The following B3GALT1 variants were observed in gnomAD, a reference collection of about 807,000 sequenced individuals.
The protein encoded by B3GALT1 is beta-1,3-galactosyltransferase 1.
A neutral mutation model predicts 23.2 loss-of-function variants in B3GALT1; 10 were observed. The ratio of observed to expected loss-of-function variants is 0.43; its 90% CI spans 0.27 to 0.73. B3GALT1 has a LOEUF of 0.73. B3GALT1 is among the 30% of genes least tolerant of loss of function. B3GALT1 has a pLI of 0.21. For synonymous variants in B3GALT1, 156 were observed against 141.5 expected, an observed-to-expected ratio of 1.10 and a Z score of -0.73; for missense variants, 299 against 405.4, an observed-to-expected ratio of 0.74 and a Z score of 2.25.
intron 2 of B3GALT1, among the ~76,000 whole-genome samples, chr2:167,628,864 A>G (rs1036304959): frequency 6.6e-6 from 1 of 151,718 alleles, no homozygotes; most frequent in African/African-American, 2.4e-5. Context: ...GTGATATGTC[A>G]TATGATAAAT....
At chr2:167,297,721 T>C (rs1174323948) in intron 1 of B3GALT1, among the ~76,000 whole-genome samples, 1 of 152,112 alleles carries the variant, frequency 6.6e-6, no homozygotes, top group Non-Finnish European at 1.5e-5. Flanking sequence ...CTTATCCTCA[T>C]ATGAAGAATG....
intron 1 of B3GALT1, among the ~76,000 whole-genome samples, chr2:167,434,276 A>G (rs900169728): frequency 2.0e-5 from 3 of 152,178 alleles, no homozygotes; most frequent in Admixed American, 2.0e-4. Context: ...AAAAGAATAA[A>G]TAACTAGCTT....
chr2:167,347,148 A>C (rs1697233408), intron 1 of B3GALT1, among the ~76,000 whole-genome samples: 1 of 152,200 alleles, frequency 6.6e-6, no homozygotes, highest in African/African-American at 2.4e-5. Context: ...ATGGATTCTA[A>C]TAAAAGTATT....
intron 3 of B3GALT1, among the ~76,000 whole-genome samples, chr2:167,676,223 T>TA (rs778730922): frequency 5.3e-5 from 8 of 152,094 alleles, no homozygotes; most frequent in Non-Finnish European, 1.0e-4. Context: ...GAGTAATTCT[T>TA]ACCAAGTGCA....
Position 167,361,193 on chromosome 2 carries a change from A to T in B3GALT1, c.-511+67859A>T, listed in dbSNP as rs1202623720. On this transcript the variant is annotated intron_variant, in intron 1 of 4. Coordinates refer to ENST00000392690, the MANE Select transcript of B3GALT1 (RefSeq NM_020981.4). ...ATGTGAGTTCAGATATCTCTTTGAT[A>T]CACTGATTTCCCCCACTAGTTTTTT... Among the ~76,000 whole-genome samples, 8 of 148,790 alleles carry T rather than the reference A, an allele frequency of 5.4e-5. No individual in the cohort carries two copies. In the Admixed American group the frequency reaches 5.5e-4, roughly 10 times the overall value.
intron 2 of B3GALT1, among the ~76,000 whole-genome samples, chr2:167,491,045 G>A (rs1486853343): frequency 6.6e-6 from 1 of 152,140 alleles, no homozygotes; most frequent in East Asian, 1.9e-4. Flanking sequence ...GGGTTCTGGA[G>A]AAATTTACAC....
At chr2:167,420,032 C>G (rs1228495038) in intron 1 of B3GALT1, among the ~76,000 whole-genome samples, 2 of 152,134 alleles carry the variant, frequency 1.3e-5, no homozygotes, top group Admixed American at 6.5e-5. Flanking sequence ...TAAGATTAGT[C>G]CAGCAAACTG....
At chr2:167,432,149 C>T (rs1413499371) in intron 1 of B3GALT1, among the ~76,000 whole-genome samples, 2 of 152,118 alleles carry the variant, frequency 1.3e-5, no homozygotes, top group Non-Finnish European at 2.9e-5. Flanking sequence ...ATCTTGTACA[C>T]TGCAGGGGCG....
At chr2:167,517,398 G>T (rs750088820) in intron 2 of B3GALT1, among the ~76,000 whole-genome samples, 1 of 151,826 alleles carries the variant, frequency 6.6e-6, no homozygotes, top group Admixed American at 6.6e-5. Context: ...AAGCAAAATA[G>T]TTTTTAGTAA....
intron 3 of B3GALT1, chr2:167,714,092 A>G (rs1687105346): frequency 1.3e-6 from 2 of 1,533,006 alleles, no homozygotes; most frequent in East Asian, 4.5e-5. Flanking sequence ...AGTGGATTCC[A>G]TTTCTGAAGG....
Position 167,418,362 on chromosome 2 carries a change from T to C in B3GALT1, c.-510-71815T>C, listed in dbSNP as rs75953674. On this transcript the variant is annotated intron_variant, in intron 1 of 4. Coordinates refer to ENST00000392690, the MANE Select transcript of B3GALT1 (RefSeq NM_020981.4). ...GCAAAGCATAATGTTGTCCTTAGTG[T>C]CTTAGGGGAAGCAGAGGTAGGGGCT... 4.8e-3 allele frequency among the ~76,000 whole-genome samples: 733 copies of C among 151,622 alleles called. 6 individuals are homozygous for C. The highest frequency in any genetic ancestry group is 0.018 in the East Asian group (92 of 5,136).
intron 1 of B3GALT1, among the ~76,000 whole-genome samples, chr2:167,393,941 C>T (rs747632665): frequency 1.3e-5 from 2 of 152,172 alleles, no homozygotes; most frequent in Non-Finnish European, 2.9e-5. Context: ...CAATGTATTA[C>T]TCTGCATACA....
rs892332365 is a variant in B3GALT1, at chr2:167,320,091, C to T, written c.-511+26757C>T. Among the ~76,000 whole-genome samples the T allele has an allele frequency of 2.6e-5, 4 of 151,982 alleles. 1 individual carries two copies. Among genetic ancestry groups the T allele is most frequent in the African/African-American group, 2.4e-5 (1 of 41,398 alleles). On this transcript the variant is annotated intron_variant, in intron 1 of 4. Coordinates refer to ENST00000392690, the MANE Select transcript of B3GALT1 (RefSeq NM_020981.4). ...GACTTCTTTTTGAAATAAAATAAAA[C>T]CTGCCTTTAACAGTTAAGTCGAAGA...
chr2:167,547,360 C>A (rs982946662), intron 2 of B3GALT1, among the ~76,000 whole-genome samples: 1 of 152,128 alleles, frequency 6.6e-6, no homozygotes, highest in African/African-American at 2.4e-5. Flanking sequence ...AAAAAAATTA[C>A]ATTTAGTGAA....
chr2:167,377,425 G>C (rs1697782215), intron 1 of B3GALT1, among the ~76,000 whole-genome samples: 1 of 152,068 alleles, frequency 6.6e-6, no homozygotes, highest in African/African-American at 2.4e-5. Flanking sequence ...GGTGTCATTG[G>C]GGTGTTGAAG....
intron 1 of B3GALT1, among the ~76,000 whole-genome samples, chr2:167,478,324 T>C (rs1699515308): frequency 6.6e-6 from 1 of 152,156 alleles, no homozygotes; most frequent in Non-Finnish European, 1.5e-5. Context: ...GGTGAGTTAA[T>C]AAGAGGAAAG....
At chr2:167,722,865 A>C (rs1405828995) in intron 3 of B3GALT1, among the ~76,000 whole-genome samples, 1 of 152,222 alleles carries the variant, frequency 6.6e-6, no homozygotes, top group Non-Finnish European at 1.5e-5. Flanking sequence ...TTTGGCTTCT[A>C]TCTCTACTCC....
intron 3 of B3GALT1, among the ~76,000 whole-genome samples, chr2:167,665,093 G>T (rs901478856): frequency 3.9e-5 from 6 of 152,050 alleles, no homozygotes; most frequent in African/African-American, 1.5e-4. Context: ...GATATTGGCT[G>T]TGGGTTTGTC....
intron 2 of B3GALT1, among the ~76,000 whole-genome samples, chr2:167,546,049 G>A (rs1683631267): frequency 6.6e-6 from 1 of 152,148 alleles, no homozygotes. Context: ...TTTTTCACTT[G>A]TGGCATCATA....
Sources: allele counts gnomAD v4.1 joint callset (sites outside exome capture counted in the v4.1 genomes callset), GRCh38; gene constraint gnomAD v4.1.1; transcripts MANE v1.5; gene names NCBI Gene and HGNC (gene_info 2026-07-23, HGNC 2026-07-21).